Variants in DENND6A observed in about 807,000 individuals in gnomAD.
The protein encoded by DENND6A is protein DENND6A.
A neutral mutation model predicts 95.5 loss-of-function variants in DENND6A; 43 were observed. The ratio of observed to expected loss-of-function variants is 0.45; its 90% confidence interval spans 0.35 to 0.58. The LOEUF (loss-of-function observed/expected upper bound fraction) is 0.58, where lower values mean the gene tolerates loss of function less well. Ranked by LOEUF, DENND6A falls within the 20% of genes least tolerant of loss-of-function variation. DENND6A has a pLI of 0.00. For missense variants in DENND6A, 574 were observed against 736.0 expected, an observed-to-expected ratio of 0.78 and a Z score of 2.55; for synonymous variants, 257 against 260.4, an observed-to-expected ratio of 0.99 and a Z score of 0.13.
Position 57,693,048 on chromosome 3 carries a change from C to G in DENND6A, c.-30G>C. On this transcript the variant is annotated 5_prime_UTR_variant, in exon 1 of 20. Transcript: ENST00000311128. ...CGCCCCCTGACCGTTCGCGCCGCCT[C>G]CACAGCGGACCGCGCCGCAGAGCGC... 7.3e-7 allele frequency: 1 copy of G among 1,364,602 alleles called. No individual in the cohort carries two copies. Among genetic ancestry groups the G allele is most frequent in the Non-Finnish European group, 9.4e-7 (1 of 1,065,710 alleles). The allele number at this position is 1,364,602 out of a possible 1,614,324, so 84.5% of individuals were successfully genotyped here. A position where few individuals can be genotyped will look rare whatever the true frequency, so the allele number is the denominator to read the frequency against.
chr3:57,646,190 C>G (rs557741733), intron 10 of DENND6A, 126 bp downstream of exon 10: 2 of 1,336,842 alleles, frequency 1.5e-6, no homozygotes, highest in East Asian at 2.4e-5. Flanking sequence ...AGGGTTTTTG[C>G]ATGGATCAAT....
chr3:57,693,028 C>G lies in DENND6A; in HGVS notation c.-10G>C, dbSNP rs552319522. ...GGCCCCTCAAAGCCATCGGCCGCCCCCTGACCGTTCGCGCCGCCTCCACAG... is the reference window on the plus strand; with the variant it reads ...GGCCCCTCAAAGCCATCGGCCGCCCGCTGACCGTTCGCGCCGCCTCCACAG... On this transcript the variant is annotated 5_prime_UTR_variant, in exon 1 of 20. Coordinates refer to ENST00000311128, the MANE Select transcript of DENND6A (RefSeq NM_152678.3). The G allele has an allele frequency of 3.3e-5, 46 of 1,405,408 alleles. No homozygotes were observed. Among genetic ancestry groups the G allele is most frequent in the South Asian group, 2.9e-4 (19 of 65,160 alleles). 87.1% of individuals were successfully genotyped at this position (1,405,408 alleles called of 1,614,324 possible).
At chr3:57,643,403 C>G (rs1244703753) in intron 11 of DENND6A, among the ~76,000 whole-genome samples, 1 of 152,120 alleles carries the variant, frequency 6.6e-6, no homozygotes, top group East Asian at 1.9e-4. Flanking sequence ...GTGCTTAAAA[C>G]ATCCCCCTCC....
At chr3:57,662,534 C>T (rs1320409406) in intron 5 of DENND6A, among the ~76,000 whole-genome samples, 1 of 151,944 alleles carries the variant, frequency 6.6e-6, no homozygotes, top group African/African-American at 2.4e-5. Context: ...AAGAATTGTA[C>T]ATTTGGAATA....
chr3:57,654,247 G>T (rs1235966599), intron 9 of DENND6A, among the ~76,000 whole-genome samples: 1 of 151,916 alleles, frequency 6.6e-6, no homozygotes, highest in African/African-American at 2.4e-5. Context: ...GAGCCACCGT[G>T]CCCAGCCAGA....
At chr3:57,630,663 G>C in intron 17 of DENND6A, 52 bp downstream of exon 17, 1 of 1,565,676 alleles carries the variant, frequency 6.4e-7, no homozygotes, top group South Asian at 1.2e-5. Context: ...TTTTTGTTTT[G>C]CTTTTAAATA....
At position 57,692,810 on chromosome 3, in the gene DENND6A, A is replaced by C. The variant is rs746565197; in HGVS notation, c.209T>G (p.Phe70Cys). The change falls in exon 1 of 20, where the codon TTC becomes TGC. Residue 70 changes from phenylalanine (F) to cysteine (C), a missense_variant. By Grantham distance (205) the Phe-to-Cys change is radical. Transcript: ENST00000311128. ...AWLHCVCVVG[F>C]DLELGQAVEV... ...CACGGCCTGGCCCAGCTCCAGGTCG[A>C]AGCCCACCACACACACGCAGTGCAG... is the stretch of plus-strand genomic sequence containing the variant. The C allele has an allele frequency of 6.4e-7, 1 of 1,563,714 alleles. No individual in the cohort carries two copies. The highest frequency in any genetic ancestry group is 1.2e-5 in the South Asian group (1 of 85,096).
intron 4 of DENND6A, among the ~76,000 whole-genome samples, chr3:57,664,230 AAG>A (rs1366302956): frequency 1.3e-5 from 2 of 152,218 alleles, no homozygotes; most frequent in Admixed American, 1.3e-4. Flanking sequence ...ATACAATTTC[AAG>A]AGAGAAAATA....
intron 1 of DENND6A, 31 bp downstream of exon 1, chr3:57,692,751 A>G: frequency 5.6e-6 from 8 of 1,422,710 alleles, no homozygotes; most frequent in Non-Finnish European, 7.3e-6. Context: ...GCAGGGGAGG[A>G]GCGCCGAGAA....
At chr3:57,678,092 A>T (rs977298528) in intron 1 of DENND6A, among the ~76,000 whole-genome samples, 1 of 152,148 alleles carries the variant, frequency 6.6e-6, no homozygotes, top group Non-Finnish European at 1.5e-5. Flanking sequence ...AAAGGAAATG[A>T]TTCTTTTTTA....
chr3:57,627,994 G>A lies in DENND6A; in HGVS notation c.*220C>T, dbSNP rs2070569176. 3 of 484,320 alleles carry A rather than the reference G, an allele frequency of 6.2e-6. No homozygotes were observed. Among genetic ancestry groups the A allele is most frequent in the Admixed American group, 4.0e-5 (1 of 25,194 alleles). 30.0% of individuals were successfully genotyped at this position (484,320 alleles called of 1,614,324 possible). ...GATTAAAAATATAGAAATGCCTTTC[G>A]GTGTTTCAGTATTAAAGTGGAACCA... On this transcript the variant is annotated 3_prime_UTR_variant, in exon 20 of 20. Transcript: ENST00000311128.
chr3:57,634,623 C>T lies in DENND6A; in HGVS notation c.1199-1G>A. 6.7e-7 allele frequency: 1 copy of T among 1,487,914 alleles called. No homozygotes were observed. Among genetic ancestry groups the T allele is most frequent in the Non-Finnish European group, 9.0e-7 (1 of 1,111,044 alleles). 92.2% of individuals were successfully genotyped at this position (1,487,914 alleles called of 1,614,324 possible). The stretch of plus-strand genomic sequence containing the variant: ...TATGGCTTATATGAAGTATAAACTC[C>T]TAAGAGCAAAGAAAAGAAGGTAAAC... On this transcript the variant is annotated splice_acceptor_variant, in intron 13 of 19. Transcript: ENST00000311128. LOFTEE classifies it high-confidence loss of function.
chr3:57,635,080 GC>G (rs1228305203), intron 12 of DENND6A, among the ~76,000 whole-genome samples: 1 of 151,984 alleles, frequency 6.6e-6, no homozygotes, highest in African/African-American at 2.4e-5. Flanking sequence ...AAATCTATAT[GC>G]CAAATACATA....
At chr3:57,644,982 CA>C (rs2071047612) in intron 11 of DENND6A, among the ~76,000 whole-genome samples, 1 of 151,710 alleles carries the variant, frequency 6.6e-6, no homozygotes. Flanking sequence ...GGAGATCGTA[CA>C]TGCAGATTTT....
In DENND6A at chr3:57,626,874, CG is replaced by C. The variant is rs1389653700; in HGVS notation, c.*1339del. The C allele has an allele frequency of 6.6e-6, 1 of 152,376 alleles. No individual in the cohort carries two copies. The highest frequency in any genetic ancestry group is 1.5e-5 in the Non-Finnish European group (1 of 68,014). 9.4% of individuals were successfully genotyped at this position (152,376 alleles called of 1,614,324 possible). ...AAGCTAACCATGACAGTGACTCAGG[CG>C]AAAGTTCCCATGTCAAACAATAGTA... On this transcript the variant is annotated 3_prime_UTR_variant, in exon 20 of 20. Transcript: ENST00000311128.
chr3:57,691,974 G>C (rs1035795699), intron 1 of DENND6A, among the ~76,000 whole-genome samples: 3 of 151,898 alleles, frequency 2.0e-5, no homozygotes, highest in African/African-American at 7.3e-5. Flanking sequence ...GCTCACGCAT[G>C]TAATCCCACC....
In DENND6A at chr3:57,628,811, C is replaced by T; in HGVS notation, c.1695G>A (p.Leu565=). 6.2e-7 allele frequency: 1 copy of T among 1,610,522 alleles called. No homozygotes were observed. Among genetic ancestry groups the T allele is most frequent in the Non-Finnish European group, 8.5e-7 (1 of 1,179,158 alleles). Residue 565 remains leucine, a splice_region_variant and synonymous_variant, in exon 19 of 20, where the codon CTG becomes CTA. Coordinates refer to ENST00000311128, the MANE Select transcript of DENND6A (RefSeq NM_152678.3). ...VDLVLKLKNK[L]LQADREHLPV... ...ATCTTTGGCTGTTTTGGCTACATAC[C>T]AGCTTATTTTTCAGCTTCAAGACAA...
chr3:57,662,030 AT>A (rs35871007), intron 5 of DENND6A, among the ~76,000 whole-genome samples: 23,597 of 147,396 alleles, frequency 0.16, 2,260 homozygotes, highest in East Asian at 0.48. Flanking sequence ...ATTTTTAAAC[AT>A]TTTTTTTTTT....
chr3:57,658,656 TCAAAGAA>T (rs751694518), intron 8 of DENND6A, among the ~76,000 whole-genome samples: 14 of 152,222 alleles, frequency 9.2e-5, no homozygotes, highest in Non-Finnish European at 1.9e-4. Context: ...TTTATTCAAT[TCAAAGAA>T]CAAAGTACAA....
Sources: gnomAD v4.1 joint callset for allele counts (sites outside exome capture counted in the v4.1 genomes callset) on GRCh38, gnomAD v4.1.1 for gene constraint, MANE v1.5 for transcripts, NCBI Gene and HGNC (gene_info 2026-07-23, HGNC 2026-07-21) for gene names.